The following PKP4 variants were observed in gnomAD, a reference collection of about 807,000 sequenced individuals.
PKP4 encodes plakophilin-4.
Under a neutral mutation model 145.1 loss-of-function variants are expected in PKP4, and 90 were observed. That is an observed-to-expected ratio of 0.62 (90% CI 0.52 to 0.74). The LOEUF (loss-of-function observed/expected upper bound fraction) is 0.74, where lower values mean the gene tolerates loss of function less well. Ranked by LOEUF, PKP4 falls within the 30% of genes least tolerant of loss-of-function variation. The pLI is 0.00. For synonymous variants in PKP4, 563 were observed against 577.2 expected (o/e 0.98, Z 0.35); for missense variants, 1,340 against 1,482.7 (o/e 0.90, Z 1.58).
intron 19 of PKP4, among the ~76,000 whole-genome samples, chr2:158,674,434 T>C (rs1476202079): frequency 6.6e-6 from 1 of 152,184 alleles, no homozygotes; most frequent in Non-Finnish European, 1.5e-5. Context: ...AGTGAAACCT[T>C]TTAGAAGCAG....
intron 1 of PKP4, among the ~76,000 whole-genome samples, chr2:158,522,707 C>A (rs1380310451): frequency 1.3e-5 from 2 of 152,204 alleles, no homozygotes; most frequent in African/African-American, 2.4e-5. Flanking sequence ...TTCTGCATTT[C>A]CATCTGAGGT....
Position 158,559,543 on chromosome 2 carries a change from C to G in PKP4, c.133-17728C>G, listed in dbSNP as rs573308172. Among the ~76,000 whole-genome samples, 6 of 152,144 alleles carry G rather than the reference C, an allele frequency of 3.9e-5. No individual in the cohort carries two copies. In the East Asian group the frequency reaches 1.2e-3, roughly 30 times the overall value. ...CCTGGCACTCTGCGGAGGACTTACA[C>G]CAAGCATTCAGTTTAGAGATGGCAT... On this transcript the variant is annotated intron_variant, in intron 2 of 21. Transcript: ENST00000389759.
In PKP4 at chr2:158,681,026, C is replaced by A; in HGVS notation, c.*349C>A. On this transcript the variant is annotated 3_prime_UTR_variant, in exon 22 of 22. Coordinates refer to ENST00000389759, the MANE Select transcript of PKP4 (RefSeq NM_003628.6). ...TTTTTAATGTGAATAAAGTTATGTT[C>A]TGATAGTTTGTACAGAAAAAATAAA... 1 of 192,706 alleles carries A rather than the reference C, an allele frequency of 5.2e-6. No individual in the cohort carries two copies. The highest frequency in any genetic ancestry group is 1.1e-5 in the Non-Finnish European group (1 of 93,784). 11.9% of individuals were successfully genotyped at this position (192,706 alleles called of 1,614,324 possible).
At chr2:158,569,447 T>G (rs771847692) in intron 2 of PKP4, among the ~76,000 whole-genome samples, 7 of 152,238 alleles carry the variant, frequency 4.6e-5, no homozygotes, top group Non-Finnish European at 8.8e-5. Context: ...GCTGTCCTAA[T>G]AATGTATATC....
intron 1 of PKP4, among the ~76,000 whole-genome samples, chr2:158,495,456 T>C (rs1480747577): frequency 1.3e-5 from 2 of 152,074 alleles, no homozygotes; most frequent in African/African-American, 4.8e-5. Flanking sequence ...TGTTTTCTGC[T>C]GAGTCGCTTA....
intron 9 of PKP4, among the ~76,000 whole-genome samples, chr2:158,635,777 C>T (rs148262519): frequency 7.2e-5 from 11 of 152,138 alleles, no homozygotes; most frequent in South Asian, 2.1e-4. Flanking sequence ...TAATGCATTT[C>T]GTAAGGTGAA....
chr2:158,636,630 T>A (rs768157390), intron 9 of PKP4, among the ~76,000 whole-genome samples: 5 of 152,158 alleles, frequency 3.3e-5, no homozygotes, highest in South Asian at 2.1e-4. Context: ...CTTTTCTCCT[T>A]CTAGGACTTG....
At chr2:158,546,143 TAAGTA>T (rs1468123783) in intron 2 of PKP4, among the ~76,000 whole-genome samples, 1 of 152,224 alleles carries the variant, frequency 6.6e-6, no homozygotes, top group Non-Finnish European at 1.5e-5. Context: ...GAATTTTAGT[TAAGTA>T]AAGAATTTTA....
chr2:158,559,629 T>C (rs2046357833), intron 2 of PKP4, among the ~76,000 whole-genome samples: 1 of 152,168 alleles, frequency 6.6e-6, no homozygotes, highest in Non-Finnish European at 1.5e-5. Context: ...GAAGTAAGCT[T>C]GATCTTTTCC....
chr2:158,508,668 G>A (rs1251870795), intron 1 of PKP4, among the ~76,000 whole-genome samples: 1 of 152,134 alleles, frequency 6.6e-6, no homozygotes, highest in Non-Finnish European at 1.5e-5. Flanking sequence ...TAGATTAAAT[G>A]TCTTATTTAT....
intron 1 of PKP4, among the ~76,000 whole-genome samples, chr2:158,499,467 G>A (rs1176353832): frequency 6.6e-6 from 1 of 152,208 alleles, no homozygotes; most frequent in East Asian, 1.9e-4. Flanking sequence ...CAGCTATAGA[G>A]AAACTGTAAC....
intron 20 of PKP4, 120 bp downstream of exon 20, chr2:158,676,987 T>C: frequency 2.6e-6 from 3 of 1,172,092 alleles, no homozygotes; most frequent in Admixed American, 1.8e-5. Flanking sequence ...CAGCAAACCA[T>C]GTTCCAGTCA....
intron 13 of PKP4, 114 bp from the exon 14 acceptor site, chr2:158,662,782 TA>T: frequency 1.3e-6 from 1 of 741,384 alleles, no homozygotes; most frequent in Non-Finnish European, 2.1e-6. Context: ...TTCTCATAAA[TA>T]AAAAGTAGTT....
chr2:158,550,970 G>GT (rs1200081789), intron 2 of PKP4, among the ~76,000 whole-genome samples: 1 of 152,184 alleles, frequency 6.6e-6, no homozygotes, highest in Non-Finnish European at 1.5e-5. Context: ...TGTTATTTAT[G>GT]TTTTTTAATA....
Position 158,491,076 on chromosome 2 carries a change from T to C in PKP4, c.-6+33858T>C, listed in dbSNP as rs964993328. ...TTTCACTTAGTTTATTTTAAAGATA[T>C]GTGTCCCTGGGTGGTGTCTGTGTTA... On this transcript the variant is annotated intron_variant, in intron 1 of 21. Coordinates refer to ENST00000389759, the MANE Select transcript of PKP4 (RefSeq NM_003628.6). Among the ~76,000 whole-genome samples, 4 of 152,214 alleles carry C rather than the reference T, an allele frequency of 2.6e-5. No homozygotes were observed. In the South Asian group the frequency reaches 8.3e-4, roughly 31 times the overall value.
intron 3 of PKP4, among the ~76,000 whole-genome samples, chr2:158,594,640 C>T (rs562685847): frequency 1.3e-5 from 2 of 152,266 alleles, no homozygotes; most frequent in South Asian, 2.1e-4. Context: ...GGTAAAGAGA[C>T]ACTTGGTCAG....
chr2:158,641,551 T>A (rs1295631451), intron 10 of PKP4, among the ~76,000 whole-genome samples: 2 of 152,202 alleles, frequency 1.3e-5, no homozygotes, highest in Non-Finnish European at 2.9e-5. Context: ...TAATTCTATA[T>A]AACATATAGA....
intron 15 of PKP4, among the ~76,000 whole-genome samples, chr2:158,665,272 A>G (rs980023375): frequency 6.6e-6 from 1 of 152,208 alleles, no homozygotes; most frequent in Non-Finnish European, 1.5e-5. Context: ...AGAGAAGTTC[A>G]TAAAACTGCC....
intron 3 of PKP4, among the ~76,000 whole-genome samples, chr2:158,589,622 A>G (rs2049084885): frequency 6.6e-6 from 1 of 152,186 alleles, no homozygotes; most frequent in Admixed American, 6.5e-5. Context: ...ACTCTAGGAA[A>G]CAACCTTTAA....
Sources: allele counts gnomAD v4.1 joint callset (sites outside exome capture counted in the v4.1 genomes callset), GRCh38; gene constraint gnomAD v4.1.1; transcripts MANE v1.5; gene names NCBI Gene and HGNC (gene_info 2026-07-23, HGNC 2026-07-21).